SNTB2: variants seen among roughly 807,000 people sequenced by gnomAD.
The protein encoded by SNTB2 is beta-2-syntrophin.
In SNTB2, 34 loss-of-function variants were observed where a neutral mutation model predicts 46.2. The ratio of observed to expected loss-of-function variants is 0.74; its 90% CI spans 0.56 to 0.98. The LOEUF (loss-of-function observed/expected upper bound fraction) is 0.98. Ranked by LOEUF, SNTB2 falls within the 50% of genes least tolerant of loss-of-function variation. The pLI is 0.00. For missense variants in SNTB2, 603 were observed against 731.4 expected (o/e 0.82, Z 2.02); for synonymous variants, 290 against 312.6 (o/e 0.93, Z 0.76).
chr16:69,267,115 C>T (rs1964894428), intron 3 of SNTB2, among the ~76,000 whole-genome samples: 1 of 152,008 alleles, frequency 6.6e-6, no homozygotes, highest in African/African-American at 2.4e-5. Flanking sequence ...GCAACCTCTG[C>T]CTCCCGGGTT....
intron 1 of SNTB2, among the ~76,000 whole-genome samples, chr16:69,212,979 G>T (rs1339152960): frequency 6.6e-6 from 1 of 152,176 alleles, no homozygotes; most frequent in Non-Finnish European, 1.5e-5. Flanking sequence ...TTCTATAATA[G>T]TGCTTAATAT....
At chr16:69,211,819 G>A (rs771875892) in intron 1 of SNTB2, among the ~76,000 whole-genome samples, 5 of 152,140 alleles carry the variant, frequency 3.3e-5, no homozygotes, top group African/African-American at 1.2e-4. Context: ...TGAGATATAC[G>A]TTGTGTCCTT....
At chr16:69,232,020 A>G (rs1964510543) in intron 1 of SNTB2, among the ~76,000 whole-genome samples, 1 of 152,156 alleles carries the variant, frequency 6.6e-6, no homozygotes, top group Non-Finnish European at 1.5e-5. Flanking sequence ...TAGATAGTCT[A>G]AAGCCCCAAA....
chr16:69,249,874 G>A (rs1964708934), intron 2 of SNTB2, among the ~76,000 whole-genome samples: 2 of 152,104 alleles, frequency 1.3e-5, no homozygotes, highest in African/African-American at 4.8e-5. Flanking sequence ...CAAGGTGGGT[G>A]GATCACTTGA....
intron 1 of SNTB2, among the ~76,000 whole-genome samples, chr16:69,203,113 G>C (rs1208173740): frequency 6.6e-6 from 1 of 151,516 alleles, no homozygotes; most frequent in Non-Finnish European, 1.5e-5. Flanking sequence ...CCATCTCCCG[G>C]ATTCAAGCAA....
chr16:69,246,801 T>A (rs1597185744), intron 2 of SNTB2, among the ~76,000 whole-genome samples: 2 of 148,336 alleles, frequency 1.3e-5, no homozygotes, highest in South Asian at 4.3e-4. Flanking sequence ...AGAGTGTATG[T>A]GTCGAGGAAT....
intron 2 of SNTB2, among the ~76,000 whole-genome samples, chr16:69,249,785 T>C (rs920639038): frequency 6.6e-6 from 1 of 152,138 alleles, no homozygotes; most frequent in African/African-American, 2.4e-5. Flanking sequence ...GCAAAGTAAC[T>C]TGTTCTAATT....
chr16:69,284,840 G>A (rs764721073), intron 5 of SNTB2, among the ~76,000 whole-genome samples: 1 of 151,988 alleles, frequency 6.6e-6, no homozygotes, highest in Non-Finnish European at 1.5e-5. Context: ...CCAGCTACTC[G>A]GGAGACTGAG....
At chr16:69,283,009 A>G (rs528595383) in intron 4 of SNTB2, among the ~76,000 whole-genome samples, 3 of 152,194 alleles carry the variant, frequency 2.0e-5, no homozygotes, top group African/African-American at 7.2e-5. Flanking sequence ...CAGTGGCATA[A>G]TCATGGCTCA....
intron 1 of SNTB2, among the ~76,000 whole-genome samples, chr16:69,217,856 G>T (rs1964363329): frequency 1.3e-5 from 2 of 152,038 alleles, no homozygotes; most frequent in Non-Finnish European, 2.9e-5. Flanking sequence ...AACTTATCCT[G>T]GTTGAGAGAG....
At chr16:69,280,579 G>C (rs537580645) in intron 4 of SNTB2, among the ~76,000 whole-genome samples, 31 of 149,194 alleles carry the variant, frequency 2.1e-4, no homozygotes, top group African/African-American at 7.7e-4. Flanking sequence ...GCGGCTGGCC[G>C]GGCGGGGGGC....
chr16:69,299,466 A>G (rs1269312644), intron 5 of SNTB2, 124 bp from the exon 6 acceptor site: 28 of 917,230 alleles, frequency 3.1e-5, no homozygotes, highest in Non-Finnish European at 4.3e-5. Context: ...AAGTTTCCAT[A>G]CAGGTTAGGT....
intron 1 of SNTB2, 80 bp from the exon 2 acceptor site, chr16:69,245,522 C>G: frequency 7.6e-7 from 1 of 1,322,018 alleles, no homozygotes; most frequent in Non-Finnish European, 1.1e-6. Context: ...ATAGATATAG[C>G]ATGTATGTGA....
intron 1 of SNTB2, chr16:69,240,653 T>TAAGTG (rs1251844800): frequency 6.6e-6 from 1 of 152,222 alleles, no homozygotes; most frequent in Non-Finnish European, 1.5e-5. Flanking sequence ...TAACTTAGTT[T>TAAGTG]CACTTAAACT....
At chr16:69,217,057 T>C (rs1302516500) in intron 1 of SNTB2, among the ~76,000 whole-genome samples, 1 of 152,158 alleles carries the variant, frequency 6.6e-6, no homozygotes, top group Non-Finnish European at 1.5e-5. Flanking sequence ...ATATCTGACA[T>C]AGAAAAAGTG....
intron 5 of SNTB2, among the ~76,000 whole-genome samples, chr16:69,294,371 T>A: frequency 6.6e-6 from 1 of 151,880 alleles, no homozygotes; most frequent in African/African-American, 2.4e-5. Flanking sequence ...AAAAAAAAAA[T>A]TGTTTTTTGA....
At chr16:69,251,859 G>A (rs1304162110) in intron 2 of SNTB2, among the ~76,000 whole-genome samples, 1 of 152,176 alleles carries the variant, frequency 6.6e-6, no homozygotes, top group Non-Finnish European at 1.5e-5. Context: ...GTCGAGGCGG[G>A]TGGATCACCT....
Position 69,307,518 on chromosome 16 carries a change from C to G in SNTB2, c.*6594C>G, listed in dbSNP as rs577851990. The G allele has an allele frequency of 5.2e-4, 77 of 147,990 alleles. 1 individual carries two copies. The highest frequency in any genetic ancestry group is 1.8e-3 in the African/African-American group (74 of 40,850). The allele number at this position is 147,990 out of a possible 1,614,324, so 9.2% of individuals were successfully genotyped here. ...ATGAGAAAGTCTTTCTTAAAAAATG[C>G]TTCTTTAACTGTAACAGCAAAACTA... On this transcript the variant is annotated 3_prime_UTR_variant, in exon 7 of 7. Coordinates refer to ENST00000336278, the MANE Select transcript of SNTB2 (RefSeq NM_006750.4).
In SNTB2 at chr16:69,228,233, C is replaced by T. The variant is rs184724002; in HGVS notation, c.581-17369C>T. On this transcript the variant is annotated intron_variant, in intron 1 of 6. Coordinates refer to ENST00000336278, the MANE Select transcript of SNTB2 (RefSeq NM_006750.4). ...GAATTTCATAGATTATGACCGGCCG[C>T]GGTGGCTGATGCCTGTAATCCCAGC... Among the ~76,000 whole-genome samples the T allele has an allele frequency of 2.6e-5, 4 of 152,084 alleles. No homozygotes were observed. The East Asian group carries it at 7.7e-4, about 29-fold the overall frequency.
Sources: gnomAD v4.1 joint callset for allele counts (sites outside exome capture counted in the v4.1 genomes callset) on GRCh38, gnomAD v4.1.1 for gene constraint, MANE v1.5 for transcripts, NCBI Gene and HGNC (gene_info 2026-07-23, HGNC 2026-07-21) for gene names.